RBFOX3: variants seen among roughly 807,000 people sequenced by gnomAD.
RBFOX3 encodes the protein RNA binding protein fox-1 homolog 3.
In RBFOX3, 17 loss-of-function variants were observed where a neutral mutation model predicts 48.7. The observed-to-expected ratio is 0.35, with a 90% CI of 0.24 to 0.52. The LOEUF is 0.52. Ranked by LOEUF, RBFOX3 falls within the 20% of genes least tolerant of loss-of-function variation. The pLI is 0.94. For synonymous variants in RBFOX3, 212 were observed against 209.5 expected (o/e 1.01, Z -0.10); for missense variants, 382 against 497.5 (o/e 0.77, Z 2.21).
At chr17:79,152,342 T>G (rs1399428873) in intron 4 of RBFOX3, among the ~76,000 whole-genome samples, 1 of 152,060 alleles carries the variant, frequency 6.6e-6, no homozygotes, top group Non-Finnish European at 1.5e-5. Context: ...TCAGCAAACG[T>G]GGACACTGCC....
At chr17:79,373,019 T>G (rs775337585) in intron 2 of RBFOX3, among the ~76,000 whole-genome samples, 1 of 152,188 alleles carries the variant, frequency 6.6e-6, no homozygotes, top group Non-Finnish European at 1.5e-5. Flanking sequence ...GCCGGCCCAC[T>G]GGACTTTTAT....
Position 79,443,528 on chromosome 17 carries a change from A to G in RBFOX3, c.-175+38926T>C, listed in dbSNP as rs1469137834. Among the ~76,000 whole-genome samples, 1 of 151,832 alleles carries G rather than the reference A, an allele frequency of 6.6e-6. No individual in the cohort carries two copies. The highest frequency in any genetic ancestry group is 1.5e-5 in the Non-Finnish European group (1 of 67,968). On this transcript the variant is annotated intron_variant, in intron 2 of 14. Coordinates refer to ENST00000693108, the MANE Select transcript of RBFOX3 (RefSeq NM_001350451.2). The surrounding 1 kb of genome is among the most constrained non-coding windows in gnomAD (Gnocchi z 4.4). Reference sequence around the variant, plus strand: ...CTCTTGAGTAGCTGGGATTATAGGCACCTGACACCACTCCCGGCTAATTTT... The same window carrying G: ...CTCTTGAGTAGCTGGGATTATAGGCGCCTGACACCACTCCCGGCTAATTTT...
intron 3 of RBFOX3, among the ~76,000 whole-genome samples, chr17:79,266,682 G>A (rs2066762686): frequency 6.6e-6 from 1 of 152,096 alleles, no homozygotes; most frequent in African/African-American, 2.4e-5. Flanking sequence ...AGAGGGCTGG[G>A]ACTTCAGACT....
chr17:79,652,558 G>GA, the RBFOX3 span, among the ~76,000 whole-genome samples: 1 of 570 alleles, frequency 1.8e-3, no homozygotes, highest in African/African-American at 5.4e-3. Context: ...AGAAAGAGAG[G>GA]AAGGAAAGGA....
At chr17:79,338,855 C>T (rs980403113) in intron 2 of RBFOX3, among the ~76,000 whole-genome samples, 3 of 152,178 alleles carry the variant, frequency 2.0e-5, no homozygotes, top group South Asian at 2.1e-4. Flanking sequence ...TTGCTTGGCC[C>T]TGTTTCTACT....
Position 79,610,954 on chromosome 17 carries a change from C to T in RBFOX3, c.-448G>A, listed in dbSNP as rs1439074496. On this transcript the variant is annotated 5_prime_UTR_variant, in exon 1 of 15. Transcript: ENST00000693108. Reference sequence around the variant, plus strand: ...CGGCGAGCCAGCGGCAAGGGGCGCGCGAGGCCGGGCTCGGGCGGCAGCTGT... The same window carrying T: ...CGGCGAGCCAGCGGCAAGGGGCGCGTGAGGCCGGGCTCGGGCGGCAGCTGT... 1.1e-3 allele frequency among the ~76,000 whole-genome samples: 167 copies of T among 151,250 alleles called. 2 individuals are homozygous for T. In the Middle Eastern group the frequency reaches 0.024, roughly 22 times the overall value.
At chr17:79,229,831 C>T (rs545071149) in intron 4 of RBFOX3, among the ~76,000 whole-genome samples, 18 of 152,262 alleles carry the variant, frequency 1.2e-4, no homozygotes, top group East Asian at 1.2e-3. Flanking sequence ...GGTGAATAAT[C>T]GACCCATCCT....
chr17:79,168,963 C>T (rs887974745), intron 4 of RBFOX3, among the ~76,000 whole-genome samples: 7 of 152,212 alleles, frequency 4.6e-5, no homozygotes, highest in African/African-American at 1.4e-4. Context: ...GACACACAGC[C>T]GTGATACATG....
At chr17:79,165,580 C>T (rs984076604) in intron 4 of RBFOX3, among the ~76,000 whole-genome samples, 1 of 152,214 alleles carries the variant, frequency 6.6e-6, no homozygotes, top group African/African-American at 2.4e-5. Context: ...ACTTTTAAAT[C>T]CCATTCTCAG....
At chr17:79,350,013 G>A (rs577054722) in intron 2 of RBFOX3, among the ~76,000 whole-genome samples, 18 of 152,164 alleles carry the variant, frequency 1.2e-4, no homozygotes, top group South Asian at 4.1e-4. Context: ...CACCAAAGTC[G>A]TCCTTAGGTC....
Position 79,199,389 on chromosome 17 carries a change from C to G in RBFOX3, c.-34+36377G>C, listed in dbSNP as rs1258868429. Among the ~76,000 whole-genome samples the G allele has an allele frequency of 6.6e-6, 1 of 152,114 alleles. No homozygotes were observed. The highest frequency in any genetic ancestry group is 2.4e-5 in the African/African-American group (1 of 41,420). ...CAGAGGAGGGAGCATTCCCAGGAGC[C>G]TCCAACCCTCTGCCCACCGCCCTAC... On this transcript the variant is annotated intron_variant, in intron 4 of 14. Transcript: ENST00000693108. The surrounding 1 kb of genome is among the most constrained non-coding windows in gnomAD (Gnocchi z 5.1).
At chr17:79,548,539 T>G (rs1318391871) in intron 1 of RBFOX3, among the ~76,000 whole-genome samples, 1 of 152,182 alleles carries the variant, frequency 6.6e-6, no homozygotes. Context: ...TGGTATGAAC[T>G]AAGAGGCTGT....
rs527646789 is a variant in RBFOX3 at position 79,370,594 on chromosome 17, C to A, written c.-174-62770G>T. Among the ~76,000 whole-genome samples, 240 of 151,620 alleles carry A rather than the reference C, an allele frequency of 1.6e-3. 1 individual carries two copies. Among genetic ancestry groups the A allele is most frequent in the African/African-American group, 5.6e-3 (233 of 41,240 alleles). ...ACTCACACAGGCACACACACGTACACGTCTCTCATACACCCTGACATGCAC... is the reference window on the plus strand; with the variant it reads ...ACTCACACAGGCACACACACGTACAAGTCTCTCATACACCCTGACATGCAC... On this transcript the variant is annotated intron_variant, in intron 2 of 14. Transcript: ENST00000693108.
chr17:79,309,834 C>T (rs115852497), intron 2 of RBFOX3, among the ~76,000 whole-genome samples: 79 of 152,260 alleles, frequency 5.2e-4, no homozygotes, highest in African/African-American at 1.6e-3. Context: ...CCATGTAAGA[C>T]GCACCTCACT....
Position 79,249,624 on chromosome 17 carries a change from C to G in RBFOX3, c.-73-13819G>C, listed in dbSNP as rs2063653251. The stretch of plus-strand genomic sequence containing the variant: ...CCAGGTACAGACAATCAGATCCAGC[C>G]CCATAGCCCAGAGCTCACTGAAATG... On this transcript the variant is annotated intron_variant, in intron 3 of 14. Transcript: ENST00000693108. The surrounding 1 kb of genome is among the most constrained non-coding windows in gnomAD (Gnocchi z 4.1). Among the ~76,000 whole-genome samples the G allele has an allele frequency of 6.6e-6, 1 of 152,118 alleles. No homozygotes were observed. Among genetic ancestry groups the G allele is most frequent in the South Asian group, 2.1e-4 (1 of 4,826 alleles).
At chr17:79,646,551 T>C in the RBFOX3 span, among the ~76,000 whole-genome samples, 2 of 152,084 alleles carry the variant, frequency 1.3e-5, no homozygotes, top group Non-Finnish European at 2.9e-5. Flanking sequence ...TATAAAACCA[T>C]CAGCTGTTGT....
chr17:79,596,083 T>G (rs2093561298), intron 1 of RBFOX3, among the ~76,000 whole-genome samples: 1 of 152,070 alleles, frequency 6.6e-6, no homozygotes, highest in East Asian at 1.9e-4. Context: ...CTCCCTCTTA[T>G]CTACTCCTCA....
At chr17:79,617,528 C>A in the RBFOX3 span, among the ~76,000 whole-genome samples, 4 of 152,174 alleles carry the variant, frequency 2.6e-5, no homozygotes. Flanking sequence ...CTGCAGGTGG[C>A]CCCGTGGCCA....
intron 1 of RBFOX3, among the ~76,000 whole-genome samples, chr17:79,607,555 T>C (rs959018672): frequency 9.2e-5 from 14 of 152,268 alleles, no homozygotes; most frequent in Middle Eastern, 3.4e-3. Flanking sequence ...CTGGGAGGGA[T>C]AGGAGCGTGA....
Sources: gnomAD v4.1 joint callset for allele counts (sites outside exome capture counted in the v4.1 genomes callset) on GRCh38, gnomAD v4.1.1 for gene constraint, Gnocchi (gnomAD v3.1) non-coding constraint, MANE v1.5 for transcripts, NCBI Gene and HGNC (gene_info 2026-07-23, HGNC 2026-07-21) for gene names.